NID1: variants seen among roughly 807,000 people sequenced by gnomAD.
NID1 encodes the protein nidogen 1, also known as nidogen-1.
NID1 carries 76 observed loss-of-function variants against 130.6 expected under a neutral mutation model. The observed-to-expected ratio is 0.58, with a 90% confidence interval of 0.48 to 0.70. NID1 has a LOEUF of 0.70. Ranked by LOEUF, NID1 falls within the 30% of genes least tolerant of loss-of-function variation. The probability of loss-of-function intolerance (pLI) is 0.00; values close to 1 mark genes in which losing one functional copy is unlikely to be tolerated. For missense variants in NID1, 1,517 were observed against 1,664.8 expected (o/e 0.91, Z 1.54); for synonymous variants, 665 against 675.1 (o/e 0.98, Z 0.23).
intron 9 of NID1, among the ~76,000 whole-genome samples, chr1:236,017,894 TG>T (rs991804792): frequency 1.3e-5 from 2 of 152,218 alleles, no homozygotes; most frequent in Admixed American, 1.3e-4. Flanking sequence ...GACACATCTC[TG>T]GACTCTGAAT....
In NID1 at chr1:235,977,789, C is replaced by G. The variant is rs1657310134; in HGVS notation, c.*78G>C. Reference sequence around the variant, plus strand: ...CTAGTGGCCACTCAGCCAGAGGACACTTTTCAATCTGGACCAAGTTGCTTC... The same window carrying G: ...CTAGTGGCCACTCAGCCAGAGGACAGTTTTCAATCTGGACCAAGTTGCTTC... On this transcript the variant is annotated 3_prime_UTR_variant, in exon 20 of 20. Coordinates refer to ENST00000264187, the MANE Select transcript of NID1 (RefSeq NM_002508.3). 1 of 1,551,160 alleles carries G rather than the reference C, an allele frequency of 6.4e-7. No individual in the cohort carries two copies. The highest frequency in any genetic ancestry group is 8.8e-7 in the Non-Finnish European group (1 of 1,136,462).
At chr1:235,981,858 A>G (rs946299601) in intron 15 of NID1, 76 bp from the exon 16 acceptor site, 5 of 1,343,254 alleles carry the variant, frequency 3.7e-6, no homozygotes, top group Admixed American at 4.6e-5. Context: ...TGAATACTCA[A>G]TGTTATTTCA....
rs367687708 is a variant in NID1, at chr1:236,040,366, C to T, written c.1135+1544G>A. On this transcript the variant is annotated intron_variant, in intron 4 of 19. Coordinates refer to ENST00000264187, the MANE Select transcript of NID1 (RefSeq NM_002508.3). ...TCCGTGCCTCAGAAGTAAGTCAGCA[C>T]GCCAGCCAGTAAGCACCCCATCTCG... is the stretch of plus-strand genomic sequence containing the variant. Among the ~76,000 whole-genome samples the T allele has an allele frequency of 6.6e-5, 10 of 152,264 alleles. No homozygotes were observed. In the East Asian group the frequency reaches 1.4e-3, roughly 21 times the overall value.
chr1:236,038,260 C>G lies in NID1; in HGVS notation c.1136-7G>C. ...TCCGTGTTATAGCTGAAAACTGGTCCAAGAAAACAATTGCACACCTGTAAG... is the reference window on the plus strand; with the variant it reads ...TCCGTGTTATAGCTGAAAACTGGTCGAAGAAAACAATTGCACACCTGTAAG... On this transcript the variant is annotated splice_region_variant and splice_polypyrimidine_tract_variant and intron_variant, in intron 4 of 19. Coordinates refer to ENST00000264187, the MANE Select transcript of NID1 (RefSeq NM_002508.3). 2 of 1,611,582 alleles carry G rather than the reference C, an allele frequency of 1.2e-6. No individual in the cohort carries two copies. Among genetic ancestry groups the G allele is most frequent in the Non-Finnish European group, 8.5e-7 (1 of 1,178,264 alleles).
At chr1:236,021,663 T>C (rs1394801454) in intron 9 of NID1, among the ~76,000 whole-genome samples, 1 of 152,142 alleles carries the variant, frequency 6.6e-6, no homozygotes, top group African/African-American at 2.4e-5. Flanking sequence ...CTGTTCATTT[T>C]CCTGGCCAAC....
intron 1 of NID1, among the ~76,000 whole-genome samples, chr1:236,061,701 T>C (rs1018206352): frequency 6.6e-6 from 1 of 152,094 alleles, no homozygotes; most frequent in Non-Finnish European, 1.5e-5. Flanking sequence ...TGAAGTATTC[T>C]TGTTGAAAGA....
At chr1:235,994,017 A>C in intron 12 of NID1, 145 bp from the exon 13 acceptor site, 1 of 659,028 alleles carries the variant, frequency 1.5e-6, no homozygotes, top group Non-Finnish European at 2.6e-6. Flanking sequence ...AGTTATTCAA[A>C]ATGCAGAAAC....
In NID1 at chr1:235,977,966, G is replaced by A. The variant is rs1657316280; in HGVS notation, c.3645C>T (p.Asn1215=). Reference sequence around the variant, plus strand: ...AGCATAGGTGGGTGCAGCCGCCATTGTTCACTGAGCAGTAGTTATGGCCTG... The same window carrying A: ...AGCATAGGTGGGTGCAGCCGCCATTATTCACTGAGCAGTAGTTATGGCCTG... The part of the protein sequence containing the change: ...CPQGHNYCSV[N]NGGCTHLCLA... Residue 1215 remains asparagine, a synonymous_variant, in exon 20 of 20, where the codon AAC becomes AAT. Transcript: ENST00000264187. 1 of 1,614,020 alleles carries A rather than the reference G, an allele frequency of 6.2e-7. No homozygotes were observed. The highest frequency in any genetic ancestry group is 1.3e-5 in the African/African-American group (1 of 74,906).
In NID1 at chr1:235,979,699, A is replaced by G. The variant is rs1238137754; in HGVS notation, c.3509+123T>C. ...AGGATAAGGGAGAGGGGACATCTCT[A>G]GAGGGGGCATTTCTGGAGGCTCAAA... On this transcript the variant is annotated intron_variant, in intron 18 of 19. Coordinates refer to ENST00000264187, the MANE Select transcript of NID1 (RefSeq NM_002508.3). This position sits in a 1 kb window ranked among gnomAD's most constrained non-coding sequence, Gnocchi z 4.6. The G allele has an allele frequency of 2.9e-6, 3 of 1,046,044 alleles. No homozygotes were observed. In the African/African-American group the frequency reaches 4.7e-5, roughly 16 times the overall value. The allele number at this position is 1,046,044 out of a possible 1,614,324, so 64.8% of individuals were successfully genotyped here.
intron 9 of NID1, among the ~76,000 whole-genome samples, chr1:236,017,655 A>G (rs1431629190): frequency 6.6e-6 from 1 of 152,230 alleles, no homozygotes; most frequent in Non-Finnish European, 1.5e-5. Flanking sequence ...AAGTGCTGGG[A>G]TTACAGGCGT....
chr1:235,985,883 T>G (rs965960868), intron 14 of NID1, among the ~76,000 whole-genome samples: 3 of 152,132 alleles, frequency 2.0e-5, no homozygotes, highest in African/African-American at 7.2e-5. Flanking sequence ...CCTCAGACTC[T>G]CAAGTAGCTG....
chr1:236,020,889 C>G (rs1183991838), intron 9 of NID1, among the ~76,000 whole-genome samples: 6 of 152,220 alleles, frequency 3.9e-5, no homozygotes, highest in Admixed American at 3.3e-4. Context: ...GACCACCTGT[C>G]TTTCTGGACA....
Position 236,023,651 on chromosome 1 carries a change from A to T in NID1, c.2128+419T>A, listed in dbSNP as rs188169757. On this transcript the variant is annotated intron_variant, in intron 9 of 19. Transcript: ENST00000264187. The stretch of plus-strand genomic sequence containing the variant: ...TTACCGCAAACAATTTTTTTTTTTT[A>T]AAAAGGAACAAAAAATCCATCTTGT... Among the ~76,000 whole-genome samples the T allele has an allele frequency of 5.6e-3, 850 of 151,336 alleles. 7 individuals carry two copies. The highest frequency in any genetic ancestry group is 0.024 in the Middle Eastern group (7 of 292).
chr1:235,999,804 C>A (rs1009961491), intron 12 of NID1, among the ~76,000 whole-genome samples: 3 of 152,100 alleles, frequency 2.0e-5, no homozygotes, highest in Non-Finnish European at 2.9e-5. Flanking sequence ...TCGGAATGGA[C>A]CCCTCCTCTC....
intron 10 of NID1, 39 bp from the exon 11 acceptor site, chr1:236,013,599 A>G: frequency 6.2e-7 from 1 of 1,613,462 alleles, no homozygotes; most frequent in Non-Finnish European, 8.5e-7. Context: ...TTAGGAAGAA[A>G]GTCCCCTGAG....
intron 1 of NID1, among the ~76,000 whole-genome samples, chr1:236,050,594 C>A (rs1482405070): frequency 6.6e-6 from 1 of 151,972 alleles, no homozygotes; most frequent in Non-Finnish European, 1.5e-5. Flanking sequence ...TCAGCTAAAA[C>A]CCATGCTCCT....
chr1:235,984,269 A>G (rs1314830036), intron 15 of NID1, among the ~76,000 whole-genome samples: 2 of 152,224 alleles, frequency 1.3e-5, no homozygotes, highest in African/African-American at 4.8e-5. Context: ...AAACCAAAGC[A>G]TGAAAACTGG....
Position 236,003,156 on chromosome 1 carries a change from C to T in NID1, c.2527+8765G>A, listed in dbSNP as rs886512488. ...ACTGGTAGTTGTCACTCCTAGTGAA[C>T]GACTGGTAGTTGTCACTCCTAGTGA... is the stretch of plus-strand genomic sequence containing the variant. On this transcript the variant is annotated intron_variant, in intron 12 of 19. Coordinates refer to ENST00000264187, the MANE Select transcript of NID1 (RefSeq NM_002508.3). Among the ~76,000 whole-genome samples the T allele has an allele frequency of 1.1e-3, 165 of 151,646 alleles. 4 individuals carry two copies. Among genetic ancestry groups the T allele is most frequent in the African/African-American group, 2.0e-3 (81 of 41,342 alleles).
At chr1:236,045,033 T>C (rs1374945669) in intron 3 of NID1, among the ~76,000 whole-genome samples, 1 of 151,934 alleles carries the variant, frequency 6.6e-6, no homozygotes, top group Non-Finnish European at 1.5e-5. Context: ...ACCCCGTCTC[T>C]ACTAAAAATA....
Sources: gnomAD v4.1 joint callset for allele counts (sites outside exome capture counted in the v4.1 genomes callset) on GRCh38, gnomAD v4.1.1 for gene constraint, Gnocchi (gnomAD v3.1) non-coding constraint, MANE v1.5 for transcripts, NCBI Gene and HGNC (gene_info 2026-07-23, HGNC 2026-07-21) for gene names.